Variants in C6 observed in about 807,000 individuals in gnomAD.
The protein encoded by C6 is complement component C6.
In C6, 101 loss-of-function variants were observed where a neutral mutation model predicts 112.9. That is an observed-to-expected ratio of 0.89 (90% CI 0.76 to 1.06). The LOEUF (loss-of-function observed/expected upper bound fraction) is 1.06. Among genes scored for constraint, C6 ranks in the 50% least tolerant of loss-of-function variants. The pLI, the probability that C6 is intolerant of heterozygous loss-of-function variation, is 0.00. For missense variants in C6, 1,202 were observed against 1,104.6 expected (o/e 1.09, Z -1.25); for synonymous variants, 431 against 384.1 (o/e 1.12, Z -1.43).
chr5:41,210,107 G>A (rs1172250088), intron 1 of C6, among the ~76,000 whole-genome samples: 1 of 152,158 alleles, frequency 6.6e-6, no homozygotes, highest in East Asian at 1.9e-4. Flanking sequence ...ACAAAAACAA[G>A]CAATGGGGAA....
At chr5:41,156,358 C>G (rs1377910905) in intron 13 of C6, among the ~76,000 whole-genome samples, 1 of 152,116 alleles carries the variant, frequency 6.6e-6, no homozygotes, top group Non-Finnish European at 1.5e-5. Context: ...GAAACTCATG[C>G]AAAGCTCTAT....
rs1400608254 is a variant in C6 at position 41,186,067 on chromosome 5, T to C, written c.726+3A>G. The stretch of plus-strand genomic sequence containing the variant: ...GAGTTGCCACCATGCTAGGCTGTCA[T>C]ACCTCAAAGCCGACATTTTCCAGAT... On this transcript the variant is annotated splice_donor_region_variant and intron_variant, in intron 6 of 17. Transcript: ENST00000337836. 6.2e-7 allele frequency: 1 copy of C among 1,613,942 alleles called. No individual in the cohort carries two copies. The highest frequency in any genetic ancestry group is 8.5e-7 in the Non-Finnish European group (1 of 1,179,868).
At chr5:41,250,008 G>A (rs1454219697) in intron 1 of C6, among the ~76,000 whole-genome samples, 1 of 152,198 alleles carries the variant, frequency 6.6e-6, no homozygotes, top group Non-Finnish European at 1.5e-5. Context: ...AATTCTTTGG[G>A]TGGGTTTAGA....
At position 41,160,199 on chromosome 5, in the gene C6, A is replaced by G. The variant is rs751231329; in HGVS notation, c.1627T>C (p.Cys543Arg). ...TLSGTECLCVCQSGTYGENCE... is the reference protein window; with the variant it reads ...TLSGTECLCVRQSGTYGENCE... ...TTCTCACCATAGGTGCCACTCTGAC[A>G]CACACACAGACATTCAGTCCCTGAG... The change falls in exon 11 of 18, where the codon TGT (cysteine) becomes CGT (arginine). Residue 543 changes from cysteine (C) to arginine (R), a missense_variant. Coordinates refer to ENST00000337836, the MANE Select transcript of C6 (RefSeq NM_000065.5). 1 of 1,613,914 alleles carries G rather than the reference A, an allele frequency of 6.2e-7. No individual in the cohort carries two copies. The highest frequency in any genetic ancestry group is 8.5e-7 in the Non-Finnish European group (1 of 1,179,840).
chr5:41,144,130 T>C (rs1745596283), intron 17 of C6, among the ~76,000 whole-genome samples: 1 of 152,220 alleles, frequency 6.6e-6, no homozygotes, highest in African/African-American at 2.4e-5. Context: ...GTTTTTGTTC[T>C]TTCTCCTATG....
intron 15 of C6, 23 bp downstream of exon 15, chr5:41,153,787 C>A (rs1746634755): frequency 6.3e-7 from 1 of 1,591,776 alleles, no homozygotes; most frequent in African/African-American, 1.3e-5. Context: ...TATCAGACCC[C>A]AGAACACTGA....
At chr5:41,150,069 G>C (rs377500308) in intron 15 of C6, 44 bp from the exon 16 acceptor site, 5 of 1,171,142 alleles carry the variant, frequency 4.3e-6, no homozygotes, top group Non-Finnish European at 6.4e-6. Flanking sequence ...GCACAGCATG[G>C]ATTCTAAGTG....
At chr5:41,159,646 GCC>G (rs1491236818) in intron 11 of C6, among the ~76,000 whole-genome samples, 2,443 of 152,166 alleles carry the variant, frequency 0.016, 25 homozygotes, top group Non-Finnish European at 0.025. Context: ...TTACTCCCAT[GCC>G]TTACCCTGTT....
chr5:41,235,074 A>AATTTTTTTTTTTTTTTTTT (rs1740176465), intron 1 of C6, among the ~76,000 whole-genome samples: 1 of 86,418 alleles, frequency 1.2e-5, no homozygotes, highest in African/African-American at 3.9e-5. Context: ...TTTTTTTTTT[A>AATTTTTTTTTTTTTTTTTT]ATGTTTTTTT....
At chr5:41,211,456 C>T (rs542067303) in intron 1 of C6, among the ~76,000 whole-genome samples, 2 of 152,140 alleles carry the variant, frequency 1.3e-5, no homozygotes, top group South Asian at 2.1e-4. Context: ...GTAAGTAACT[C>T]GCCTTTCCTG....
At chr5:41,230,499 A>T (rs969076158) in intron 1 of C6, among the ~76,000 whole-genome samples, 1 of 152,078 alleles carries the variant, frequency 6.6e-6, no homozygotes, top group African/African-American at 2.4e-5. Flanking sequence ...GCTTACTAGG[A>T]TTGGGAATTC....
intron 1 of C6, among the ~76,000 whole-genome samples, chr5:41,227,435 C>G (rs569041770): frequency 8.0e-4 from 121 of 152,122 alleles, no homozygotes; most frequent in African/African-American, 2.8e-3. Context: ...GTTATCTTGA[C>G]TGTGCAGGAG....
intron 1 of C6, among the ~76,000 whole-genome samples, chr5:41,210,940 A>G (rs540275644): frequency 1.3e-5 from 2 of 152,312 alleles, no homozygotes; most frequent in South Asian, 4.1e-4. Flanking sequence ...ATACATACAT[A>G]TGTTTATTGT....
At position 41,186,201 on chromosome 5, in the gene C6, A is replaced by G; in HGVS notation, c.595T>C (p.Phe199Leu). 1.2e-6 allele frequency: 2 copies of G among 1,613,878 alleles called. No individual in the cohort carries two copies. The highest frequency in any genetic ancestry group is 1.7e-6 in the Non-Finnish European group (2 of 1,179,868). Reference sequence around the variant, plus strand: ...TCTCCTCTGGGCTCTCCTGCCAGAAAATGAAACCTAGAAACAAAGTAATTT... The same window carrying G: ...TCTCCTCTGGGCTCTCCTGCCAGAAGATGAAACCTAGAAACAAAGTAATTT... ...SVQLMGNGFH[F>L]LAGEPRGEVL... is the part of the protein sequence containing the mutation. Residue 199 changes from phenylalanine (F) to leucine (L), a missense_variant, in exon 6 of 18, where the codon TTT becomes CTT. By Grantham distance (22) the Phe-to-Leu change is conservative. Transcript: ENST00000337836.
At chr5:41,159,504 A>C in intron 11 of C6, 1 of 982,722 alleles carries the variant, frequency 1.0e-6, no homozygotes, top group Non-Finnish European at 1.2e-6. Context: ...ATTATTTTCA[A>C]CTGTTAAGAA....
intron 1 of C6, among the ~76,000 whole-genome samples, chr5:41,241,058 G>A (rs1402019898): frequency 6.6e-6 from 1 of 152,198 alleles, no homozygotes; most frequent in African/African-American, 2.4e-5. Context: ...TGCCAGGCCA[G>A]GTGTGCCTGT....
chr5:41,174,609 A>C (rs1167666142), intron 8 of C6, among the ~76,000 whole-genome samples: 1 of 152,194 alleles, frequency 6.6e-6, no homozygotes, highest in East Asian at 1.9e-4. Flanking sequence ...TCAAGGTTTT[A>C]ACTTGACTAT....
intron 2 of C6, among the ~76,000 whole-genome samples, chr5:41,202,449 T>C (rs1019495351): frequency 6.6e-6 from 1 of 152,130 alleles, no homozygotes; most frequent in African/African-American, 2.4e-5. Flanking sequence ...TTAATGAGAT[T>C]CACACTACAT....
chr5:41,225,700 C>A (rs1739446148), intron 1 of C6, among the ~76,000 whole-genome samples: 1 of 152,168 alleles, frequency 6.6e-6, no homozygotes, highest in Non-Finnish European at 1.5e-5. Context: ...TAAAAGTGTT[C>A]CTGTTTCTCC....
Sources: allele counts gnomAD v4.1 joint callset (sites outside exome capture counted in the v4.1 genomes callset), GRCh38; gene constraint gnomAD v4.1.1; transcripts MANE v1.5; gene names NCBI Gene and HGNC (gene_info 2026-07-23, HGNC 2026-07-21).